Variants in ZNF804A observed in about 807,000 individuals in gnomAD.
The protein encoded by ZNF804A is zinc finger protein 804A.
In ZNF804A, 2 loss-of-function variants were observed where a neutral mutation model predicts 16.5. The ratio of observed to expected loss-of-function variants is 0.12; its 90% CI spans 0.05 to 0.38. The LOEUF (loss-of-function observed/expected upper bound fraction) is 0.38. Ranked by LOEUF, ZNF804A falls within the 10% of genes least tolerant of loss-of-function variation. The probability of loss-of-function intolerance (pLI) is 0.99; values close to 1 mark genes in which losing one functional copy is unlikely to be tolerated. For missense variants in ZNF804A, 1,473 were observed against 1,390.7 expected (o/e 1.06, Z -0.94); for synonymous variants, 534 against 489.6 (o/e 1.09, Z -1.20).
intron 1 of ZNF804A, among the ~76,000 whole-genome samples, chr2:184,731,316 T>TTAG (rs1293688836): frequency 1.3e-5 from 2 of 149,432 alleles, no homozygotes; most frequent in African/African-American, 2.5e-5. Flanking sequence ...TAAACTGTGT[T>TTAG]CCAAAGTGGT....
chr2:184,717,836 C>G (rs1183800377), intron 1 of ZNF804A, among the ~76,000 whole-genome samples: 1 of 152,094 alleles, frequency 6.6e-6, no homozygotes, highest in Non-Finnish European at 1.5e-5. Flanking sequence ...TTCAAGTCCT[C>G]TCTTAAAGCT....
chr2:184,622,523 A>G (rs1158310795), intron 1 of ZNF804A, among the ~76,000 whole-genome samples: 1 of 151,776 alleles, frequency 6.6e-6, no homozygotes. Flanking sequence ...CTGAGTGAAA[A>G]AATTGCCTAC....
intron 2 of ZNF804A, among the ~76,000 whole-genome samples, chr2:184,890,400 T>G (rs1390025283): frequency 6.6e-6 from 1 of 152,086 alleles, no homozygotes; most frequent in African/African-American, 2.4e-5. Context: ...GCAGTCCAAA[T>G]GTAATTCACA....
chr2:184,657,226 C>T (rs1278036918), intron 1 of ZNF804A, among the ~76,000 whole-genome samples: 3 of 152,114 alleles, frequency 2.0e-5, no homozygotes, highest in Non-Finnish European at 2.9e-5. Flanking sequence ...GCTGGAACCA[C>T]AGGCATACAC....
rs545644709 is a variant in ZNF804A at position 184,808,530 on chromosome 2, A to G, written c.112-57839A>G. ...TCAACATTCAGATTTAGAATAATAC[A>G]TATATGAAATTTTGGATTATATCTT... On this transcript the variant is annotated intron_variant, in intron 1 of 3. Coordinates refer to ENST00000302277, the MANE Select transcript of ZNF804A (RefSeq NM_194250.2). 1.1e-4 allele frequency among the ~76,000 whole-genome samples: 16 copies of G among 151,720 alleles called. No individual in the cohort carries two copies. In the East Asian group the frequency reaches 2.7e-3, roughly 26 times the overall value.
At chr2:184,698,537 A>G (rs1230526531) in intron 1 of ZNF804A, among the ~76,000 whole-genome samples, 4 of 152,104 alleles carry the variant, frequency 2.6e-5, no homozygotes, top group Admixed American at 2.0e-4. Flanking sequence ...GGTCTTTAAT[A>G]TCCTTTTTAT....
intron 1 of ZNF804A, among the ~76,000 whole-genome samples, chr2:184,769,208 C>T (rs1408553775): frequency 2.0e-5 from 3 of 152,196 alleles, no homozygotes; most frequent in South Asian, 2.1e-4. Flanking sequence ...CTTGGCAAAG[C>T]TCTGTCTGCT....
At chr2:184,841,792 T>A (rs1161327216) in intron 1 of ZNF804A, among the ~76,000 whole-genome samples, 5 of 151,966 alleles carry the variant, frequency 3.3e-5, no homozygotes, top group African/African-American at 1.2e-4. Flanking sequence ...GCTGTGTCAA[T>A]TTTTTTTAGG....
At chr2:184,696,754 GT>G (rs1179505681) in intron 1 of ZNF804A, among the ~76,000 whole-genome samples, 1 of 151,854 alleles carries the variant, frequency 6.6e-6, no homozygotes, top group Non-Finnish European at 1.5e-5. Flanking sequence ...ACAATAGTTG[GT>G]TTTCATTCCT....
chr2:184,860,846 G>A (rs926816979), intron 1 of ZNF804A, among the ~76,000 whole-genome samples: 1 of 152,218 alleles, frequency 6.6e-6, no homozygotes, highest in Admixed American at 6.5e-5. Flanking sequence ...CTAAAGCCTG[G>A]GGCAATGGCC....
chr2:184,726,713 A>C (rs1260937463), intron 1 of ZNF804A, among the ~76,000 whole-genome samples: 2 of 151,616 alleles, frequency 1.3e-5, no homozygotes, highest in Non-Finnish European at 3.0e-5. Flanking sequence ...CATGACTCCA[A>C]GAATTTACAT....
chr2:184,793,874 A>T (rs72903748), intron 1 of ZNF804A, among the ~76,000 whole-genome samples: 7,650 of 152,208 alleles, frequency 0.05, 252 homozygotes, highest in Middle Eastern at 0.078. Context: ...TTCCATTCTT[A>T]TCCAATTGGC....
At chr2:184,833,212 C>T (rs769019348) in intron 1 of ZNF804A, among the ~76,000 whole-genome samples, 3 of 151,972 alleles carry the variant, frequency 2.0e-5, no homozygotes, top group Non-Finnish European at 4.4e-5. Context: ...TCCTGTCTTA[C>T]CTTGTACTTC....
intron 1 of ZNF804A, among the ~76,000 whole-genome samples, chr2:184,675,384 G>GT (rs1199353655): frequency 4.0e-5 from 6 of 151,582 alleles, no homozygotes; most frequent in African/African-American, 1.5e-4. Context: ...GCACAGGTTT[G>GT]TTTTTTACAA....
At chr2:184,737,730 A>T (rs991879304) in intron 1 of ZNF804A, among the ~76,000 whole-genome samples, 3 of 152,184 alleles carry the variant, frequency 2.0e-5, no homozygotes, top group Non-Finnish European at 4.4e-5. Context: ...TCTGTAGCCT[A>T]TATGAATAAA....
chr2:184,754,145 C>A (rs1405104275), intron 1 of ZNF804A, among the ~76,000 whole-genome samples: 1 of 151,790 alleles, frequency 6.6e-6, no homozygotes, highest in Non-Finnish European at 1.5e-5. Context: ...GGCTCATGTT[C>A]TGTCCTCAGG....
At chr2:184,762,215 T>C (rs1024598043) in intron 1 of ZNF804A, among the ~76,000 whole-genome samples, 1 of 150,908 alleles carries the variant, frequency 6.6e-6, no homozygotes, top group Non-Finnish European at 1.5e-5. Flanking sequence ...TCTTTTCTTT[T>C]TTTTTTTTGC....
At chr2:184,779,977 G>A (rs564586201) in intron 1 of ZNF804A, among the ~76,000 whole-genome samples, 13 of 151,748 alleles carry the variant, frequency 8.6e-5, no homozygotes, top group African/African-American at 1.9e-4. Flanking sequence ...AAAAAATTTC[G>A]CAATAATTTT....
chr2:184,674,657 G>T (rs1345000080), intron 1 of ZNF804A, among the ~76,000 whole-genome samples: 1 of 151,692 alleles, frequency 6.6e-6, no homozygotes, highest in Non-Finnish European at 1.5e-5. Context: ...GATGGGATGG[G>T]CATCACTGGA....
Sources: gnomAD v4.1 joint callset for allele counts (sites outside exome capture counted in the v4.1 genomes callset) on GRCh38, gnomAD v4.1.1 for gene constraint, MANE v1.5 for transcripts, NCBI Gene and HGNC (gene_info 2026-07-23, HGNC 2026-07-21) for gene names.